THSD7B: variants seen among roughly 807,000 people sequenced by gnomAD.
The protein encoded by THSD7B is thrombospondin type-1 domain-containing protein 7B.
Under a neutral mutation model 213.6 loss-of-function variants are expected in THSD7B, and 138 were observed. The ratio of observed to expected loss-of-function variants is 0.65; its 90% CI spans 0.56 to 0.74. The LOEUF is 0.74. Among genes scored for constraint, THSD7B ranks in the 30% least tolerant of loss-of-function variants. THSD7B has a pLI of 0.00. For missense variants in THSD7B, 1,931 were observed against 1,991.5 expected, an observed-to-expected ratio of 0.97 and a Z score of 0.58; for synonymous variants, 742 against 687.0, an observed-to-expected ratio of 1.08 and a Z score of -1.25.
chr2:137,618,153 C>G (rs770576343), intron 18 of THSD7B, among the ~76,000 whole-genome samples: 17 of 152,162 alleles, frequency 1.1e-4, no homozygotes, highest in Non-Finnish European at 2.2e-4. Flanking sequence ...TTCTAACAAA[C>G]CATTGGCTCT....
At chr2:137,184,781 A>T (rs1680520102) in intron 7 of THSD7B, among the ~76,000 whole-genome samples, 1 of 152,184 alleles carries the variant, frequency 6.6e-6, no homozygotes, top group Admixed American at 6.5e-5. Context: ...GGCAAAAATA[A>T]TAGAAAGCCC....
chr2:137,584,723 C>T (rs570084798), intron 17 of THSD7B, among the ~76,000 whole-genome samples: 1 of 152,236 alleles, frequency 6.6e-6, no homozygotes, highest in South Asian at 2.1e-4. Flanking sequence ...TGATGTGCTG[C>T]TGGATTCGGT....
intron 7 of THSD7B, among the ~76,000 whole-genome samples, chr2:137,206,058 T>A (rs1266801459): frequency 1.4e-5 from 2 of 146,610 alleles, no homozygotes; most frequent in East Asian, 2.0e-4. Flanking sequence ...TTTTTTTTTT[T>A]ATCTAAATGT....
chr2:137,393,902 T>A (rs1365030206), intron 12 of THSD7B, among the ~76,000 whole-genome samples: 1 of 127,578 alleles, frequency 7.8e-6, no homozygotes, highest in African/African-American at 2.8e-5. Flanking sequence ...TGCATTTCTC[T>A]GATGGCCAGT....
intron 3 of THSD7B, among the ~76,000 whole-genome samples, chr2:137,092,808 T>C (rs1340227080): frequency 6.6e-6 from 1 of 152,160 alleles, no homozygotes; most frequent in African/African-American, 2.4e-5. Context: ...TTGCTAATTT[T>C]TGTATTTTTA....
intron 19 of THSD7B, among the ~76,000 whole-genome samples, chr2:137,619,121 C>A (rs1294167990): frequency 6.6e-6 from 1 of 152,092 alleles, no homozygotes; most frequent in East Asian, 1.9e-4. Context: ...AAGAAGTTGG[C>A]ATTTTCTTGC....
At chr2:137,557,446 AC>A (rs1681000670) in intron 15 of THSD7B, among the ~76,000 whole-genome samples, 1 of 152,212 alleles carries the variant, frequency 6.6e-6, no homozygotes, top group African/African-American at 2.4e-5. Flanking sequence ...AAACTGAACA[AC>A]CTGCTCCTGA....
chr2:137,565,763 G>A (rs1284588448), intron 16 of THSD7B, among the ~76,000 whole-genome samples: 2 of 152,120 alleles, frequency 1.3e-5, no homozygotes, highest in East Asian at 1.9e-4. Flanking sequence ...AATCTTGCAT[G>A]TTAGCTCAGG....
chr2:137,671,636 G>T (rs10197376), intron 27 of THSD7B, among the ~76,000 whole-genome samples: 125,504 of 152,116 alleles, frequency 0.83, 53,310 homozygotes, highest in Non-Finnish European at 0.94. Context: ...CAACTCACTC[G>T]CTATCATGAG....
At chr2:137,272,239 C>G (rs1485260413) in intron 10 of THSD7B, among the ~76,000 whole-genome samples, 1 of 152,002 alleles carries the variant, frequency 6.6e-6, no homozygotes, top group East Asian at 1.9e-4. Flanking sequence ...TCTGGGGCCC[C>G]TTCGATCATG....
At chr2:136,908,485 G>T (rs1684204954) in intron 2 of THSD7B, among the ~76,000 whole-genome samples, 1 of 152,184 alleles carries the variant, frequency 6.6e-6, no homozygotes, top group Non-Finnish European at 1.5e-5. Flanking sequence ...CAACTGCTTT[G>T]CAAATTGGGA....
rs34674642 is a variant in THSD7B, at chr2:137,004,296, T to TACACACAC, written c.140-52080_140-52073dup. Among the ~76,000 whole-genome samples, 366 of 131,578 alleles carry TACACACAC rather than the reference T, an allele frequency of 2.8e-3. 3 individuals carry two copies. The highest frequency in any genetic ancestry group is 4.1e-3 in the Non-Finnish European group (257 of 62,794). The allele number at this position is 131,578 out of a possible 152,430, so 86.3% of individuals were successfully genotyped here. A position where few individuals can be genotyped will look rare whatever the true frequency, so the allele number is the denominator to read the frequency against. ...CCGTGACCCAGTGTGTGTGCACACG[T>TACACACAC]ACACACACACACACACACACACACA... is the stretch of plus-strand genomic sequence containing the variant. On this transcript the variant is annotated intron_variant, in intron 2 of 27. Transcript: ENST00000409968.
chr2:136,805,183 T>G (rs1682260985), intron 1 of THSD7B, among the ~76,000 whole-genome samples: 1 of 152,114 alleles, frequency 6.6e-6, no homozygotes, highest in East Asian at 1.9e-4. Context: ...CTTTACCTAT[T>G]TGCTTCTGAC....
intron 17 of THSD7B, among the ~76,000 whole-genome samples, chr2:137,575,891 T>A (rs886805897): frequency 6.6e-6 from 1 of 152,006 alleles, no homozygotes; most frequent in African/African-American, 2.4e-5. Flanking sequence ...AGTACATGCA[T>A]ACACATACAA....
intron 2 of THSD7B, among the ~76,000 whole-genome samples, chr2:136,889,751 T>C (rs1479876841): frequency 6.6e-6 from 1 of 152,196 alleles, no homozygotes; most frequent in Non-Finnish European, 1.5e-5. Flanking sequence ...TTTTTTTCTT[T>C]GGGAGATTTT....
At chr2:137,006,667 A>G (rs1334592105) in intron 2 of THSD7B, among the ~76,000 whole-genome samples, 2 of 152,198 alleles carry the variant, frequency 1.3e-5, no homozygotes, top group Non-Finnish European at 2.9e-5. Context: ...ATAACTAAAT[A>G]TTTAGCTCAG....
At chr2:136,965,715 A>G (rs1685302787) in intron 2 of THSD7B, among the ~76,000 whole-genome samples, 1 of 152,074 alleles carries the variant, frequency 6.6e-6, no homozygotes, top group African/African-American at 2.4e-5. Flanking sequence ...GATAATGGTT[A>G]TCCTTTATTT....
intron 1 of THSD7B, among the ~76,000 whole-genome samples, chr2:136,790,119 T>TTGTGTGTGTGTTTG (rs1681940798): frequency 6.8e-6 from 1 of 148,046 alleles, no homozygotes; most frequent in Admixed American, 6.8e-5. Context: ...GTGTGTGTGT[T>TTGTGTGTGTGTTTG]TGTGTGTGTG....
chr2:136,948,792 C>T (rs892551091), intron 2 of THSD7B, among the ~76,000 whole-genome samples: 1 of 152,144 alleles, frequency 6.6e-6, no homozygotes, highest in African/African-American at 2.4e-5. Context: ...ATATAAGCAA[C>T]ATGTAGGTCA....
Sources: allele counts gnomAD v4.1 joint callset (sites outside exome capture counted in the v4.1 genomes callset), GRCh38; gene constraint gnomAD v4.1.1; transcripts MANE v1.5; gene names NCBI Gene and HGNC (gene_info 2026-07-23, HGNC 2026-07-21).